TULP4: variants seen among roughly 807,000 people sequenced by gnomAD.
TULP4 encodes TUB like protein 4, also known as tubby-related protein 4.
Under a neutral mutation model 129.0 loss-of-function variants are expected in TULP4, and 16 were observed. That is an observed-to-expected ratio of 0.12 (90% CI 0.08 to 0.19). TULP4 has a LOEUF of 0.19. Among genes scored for constraint, TULP4 ranks in the 10% least tolerant of loss-of-function variants. The pLI, the probability that TULP4 is intolerant of heterozygous loss-of-function variation, is 1.00. For synonymous variants in TULP4, 998 were observed against 854.0 expected (o/e 1.17, Z -2.94); for missense variants, 1,842 against 2,059.1 (o/e 0.89, Z 2.04).
At chr6:158,352,385 C>T (rs2047216431) in intron 1 of TULP4, among the ~76,000 whole-genome samples, 2 of 152,144 alleles carry the variant, frequency 1.3e-5, no homozygotes, top group African/African-American at 2.4e-5. Flanking sequence ...ATCCATTTGT[C>T]ATGATATGGA....
intron 1 of TULP4, among the ~76,000 whole-genome samples, chr6:158,272,720 T>G (rs1778572516): frequency 6.6e-6 from 1 of 152,214 alleles, no homozygotes; most frequent in East Asian, 1.9e-4. Flanking sequence ...AGTGAGGCTG[T>G]CAGCCTCCTG....
At chr6:158,422,158 G>T (rs1451596953) in intron 2 of TULP4, among the ~76,000 whole-genome samples, 2 of 152,116 alleles carry the variant, frequency 1.3e-5, no homozygotes, top group Admixed American at 6.5e-5. Flanking sequence ...AGGGAAAAAT[G>T]ATAAGGTAGA....
At position 158,511,203 on chromosome 6, in the gene TULP4, G is replaced by A. The variant is rs547432245; in HGVS notation, c.*4509G>A. 3.9e-5 allele frequency: 6 copies of A among 152,610 alleles called. No individual in the cohort carries two copies. The East Asian group carries it at 1.2e-3, about 29-fold the overall frequency. 9.5% of individuals were successfully genotyped at this position (152,610 alleles called of 1,614,324 possible). A position where few individuals can be genotyped will look rare whatever the true frequency, so the allele number is the denominator to read the frequency against. On this transcript the variant is annotated 3_prime_UTR_variant, in exon 14 of 14. Transcript: ENST00000367097. Reference sequence around the variant, plus strand: ...GGGAGGGGTAGGGTTCTAAGATCTTGTTGTTTATTGTAGATAAAAATTTTT... The same window carrying A: ...GGGAGGGGTAGGGTTCTAAGATCTTATTGTTTATTGTAGATAAAAATTTTT...
chr6:158,452,300 A>G (rs1255865897), intron 5 of TULP4, 32 bp downstream of exon 5: 4 of 1,609,820 alleles, frequency 2.5e-6, no homozygotes, highest in Non-Finnish European at 2.5e-6. Flanking sequence ...CCAAACCTGC[A>G]GACCGGGCCT....
At chr6:158,500,282 C>T (rs1780414831) in intron 12 of TULP4, among the ~76,000 whole-genome samples, 1 of 152,184 alleles carries the variant, frequency 6.6e-6, no homozygotes, top group South Asian at 2.1e-4. Context: ...GTGTTTCATA[C>T]AGACGAGAGA....
At chr6:158,308,761 A>AT (rs1779267827), upstream of TULP4, among the ~76,000 whole-genome samples, 1 of 127,382 alleles carries the variant, frequency 7.9e-6, no homozygotes, top group African/African-American at 3.2e-5. Context: ...CGGGGGGCTG[A>AT]CCCCCCCACC....
intron 1 of TULP4, among the ~76,000 whole-genome samples, chr6:158,411,039 A>G (rs962952025): frequency 1.3e-5 from 2 of 151,324 alleles, no homozygotes; most frequent in Admixed American, 1.3e-4. Flanking sequence ...AAAGTAAACT[A>G]CTTGAGGGAG....
intron 6 of TULP4, among the ~76,000 whole-genome samples, chr6:158,463,705 A>G (rs2115191646): frequency 6.7e-6 from 1 of 149,686 alleles, no homozygotes; most frequent in Non-Finnish European, 1.5e-5. Flanking sequence ...TCATTAAAAA[A>G]AAAAAAAGAA....
rs1050727075 is a variant in TULP4, at chr6:158,413,789, C to T, written c.381+596C>T. Among the ~76,000 whole-genome samples the T allele has an allele frequency of 3.3e-5, 5 of 152,230 alleles. No homozygotes were observed. The highest frequency in any genetic ancestry group is 2.4e-5 in the African/African-American group (1 of 41,458). On this transcript the variant is annotated intron_variant, in intron 2 of 13. Coordinates refer to ENST00000367097, the MANE Select transcript of TULP4 (RefSeq NM_020245.5). The surrounding 1 kb of genome is among the most constrained non-coding windows in gnomAD (Gnocchi z 4.9). ...CCATAGATTGTTCTGGTTTACAGGA[C>T]GGCTTCATGGTGCACCTTTTGTATG... is the stretch of plus-strand genomic sequence containing the variant.
chr6:158,241,585 C>T (rs112963937), intron 1 of TULP4, among the ~76,000 whole-genome samples: 2,359 of 152,082 alleles, frequency 0.016, 66 homozygotes, highest in African/African-American at 0.054. Context: ...CCACCAAAAC[C>T]AGTCAGGCGT....
chr6:158,248,756 A>G (rs1778081065), intron 1 of TULP4, among the ~76,000 whole-genome samples: 1 of 142,344 alleles, frequency 7.0e-6, no homozygotes, highest in South Asian at 2.1e-4. Flanking sequence ...ATAAATAAAT[A>G]AGTAAGTAAG....
chr6:158,418,106 T>G (rs919844926), intron 2 of TULP4, among the ~76,000 whole-genome samples: 2 of 148,574 alleles, frequency 1.3e-5, no homozygotes, highest in African/African-American at 4.9e-5. Context: ...TGTGTTTTTT[T>G]TTTTTTTTTT....
chr6:158,368,066 CAAAAAAAAAAAA>C (rs3085241), intron 1 of TULP4, among the ~76,000 whole-genome samples: 12 of 65,018 alleles, frequency 1.8e-4, no homozygotes, highest in East Asian at 9.0e-4. Flanking sequence ...ACCCTGTCTC[CAAAAAAAAAAAA>C]AAAAAAAAAA....
chr6:158,421,466 C>T (rs1251889680), intron 2 of TULP4, among the ~76,000 whole-genome samples: 1 of 152,004 alleles, frequency 6.6e-6, no homozygotes, highest in African/African-American at 2.4e-5. Flanking sequence ...TTCTAGTTGA[C>T]AATTGGTTGA....
chr6:158,424,801 A>G (rs1005413658), intron 2 of TULP4, among the ~76,000 whole-genome samples: 9 of 152,206 alleles, frequency 5.9e-5, no homozygotes, highest in African/African-American at 1.7e-4. Context: ...AAAGATGTGT[A>G]GATGATCAAT....
intron 1 of TULP4, among the ~76,000 whole-genome samples, chr6:158,382,387 T>C (rs1018710740): frequency 2.6e-5 from 4 of 152,202 alleles, no homozygotes; most frequent in African/African-American, 9.7e-5. Context: ...ATCGTTGTAA[T>C]TGCTTCATAA....
At chr6:158,461,098 G>A (rs590568) in intron 5 of TULP4, among the ~76,000 whole-genome samples, 2 of 152,168 alleles carry the variant, frequency 1.3e-5, no homozygotes, top group Non-Finnish European at 2.9e-5. Flanking sequence ...AGAGAAATTG[G>A]TTGTATTCAT....
intron 1 of TULP4, among the ~76,000 whole-genome samples, chr6:158,318,803 G>A (rs1779553655): frequency 1.3e-5 from 2 of 151,854 alleles, no homozygotes; most frequent in East Asian, 1.9e-4. Context: ...ACCGCTCACC[G>A]TAGCCTCTGC....
At chr6:158,495,345 G>A (rs1018318438) in intron 11 of TULP4, among the ~76,000 whole-genome samples, 7 of 152,096 alleles carry the variant, frequency 4.6e-5, no homozygotes, top group African/African-American at 1.4e-4. Flanking sequence ...GAGCCATCAC[G>A]CCTGGTCGCC....
Sources: allele counts gnomAD v4.1 joint callset (sites outside exome capture counted in the v4.1 genomes callset), GRCh38; gene constraint gnomAD v4.1.1; non-coding constraint Gnocchi (gnomAD v3.1); transcripts MANE v1.5; gene names NCBI Gene and HGNC (gene_info 2026-07-23, HGNC 2026-07-21).